Variants in CIMAP2 observed in about 807,000 individuals in gnomAD.
CIMAP2 encodes the protein ciliary microtubule-associated protein 2.
chr1:54,840,767 T>A, the CIMAP2 span, among the ~76,000 whole-genome samples: 3 of 152,264 alleles, frequency 2.0e-5, no homozygotes, highest in Non-Finnish European at 4.4e-5. Context: ...TCCTCTGATG[T>A]CTTCTTTTGG....
At chr1:54,834,749 T>C in the CIMAP2 span, among the ~76,000 whole-genome samples, 2 of 152,240 alleles carry the variant, frequency 1.3e-5, no homozygotes, top group Non-Finnish European at 2.9e-5. Flanking sequence ...TTTTAAATAA[T>C]TTTGTGCATT....
chr1:54,809,518 A>G, the CIMAP2 span, among the ~76,000 whole-genome samples: 2 of 152,200 alleles, frequency 1.3e-5, no homozygotes, highest in African/African-American at 4.8e-5. Flanking sequence ...CAACCCTATG[A>G]AGCAGGCACT....
At chr1:54,841,203 A>C in the CIMAP2 span, among the ~76,000 whole-genome samples, 1 of 152,200 alleles carries the variant, frequency 6.6e-6, no homozygotes, top group Non-Finnish European at 1.5e-5. Flanking sequence ...TCCTGCGTTC[A>C]TGGAGTTCAC....
chr1:54,819,693 G>A, the CIMAP2 span, among the ~76,000 whole-genome samples: 1 of 152,018 alleles, frequency 6.6e-6, no homozygotes, highest in African/African-American at 2.4e-5. Flanking sequence ...GAAGATACCT[G>A]TGTGTCCCAT....
the CIMAP2 span, among the ~76,000 whole-genome samples, chr1:54,835,174 A>T: frequency 6.6e-6 from 1 of 151,796 alleles, no homozygotes; most frequent in Admixed American, 6.6e-5. Flanking sequence ...TAAAATGGAC[A>T]AAGTGATGGT....
At chr1:54,825,444 A>G in the CIMAP2 span, among the ~76,000 whole-genome samples, 1 of 152,020 alleles carries the variant, frequency 6.6e-6, no homozygotes, top group Non-Finnish European at 1.5e-5. Context: ...TAGTTTCTGT[A>G]TGATTTCTTC....
chr1:54,816,925 G>T, the CIMAP2 span: 1 of 1,590,878 alleles, frequency 6.3e-7, no homozygotes, highest in Admixed American at 1.7e-5. Flanking sequence ...GGGGAGGAGA[G>T]GAAGCCGAGA....
At chr1:54,817,737 T>G in the CIMAP2 span, among the ~76,000 whole-genome samples, 92,270 of 150,220 alleles carry the variant, frequency 0.61, 28,727 homozygotes, top group South Asian at 0.75. Flanking sequence ...TTTTTTTTTT[T>G]GAAATTATGG....
At chr1:54,823,475 G>A in the CIMAP2 span, among the ~76,000 whole-genome samples, 1 of 152,064 alleles carries the variant, frequency 6.6e-6, no homozygotes, top group African/African-American at 2.4e-5. Flanking sequence ...CTTATCAGGT[G>A]AAGTGAATTT....
At chr1:54,841,642 T>C in the CIMAP2 span, 1 of 1,614,006 alleles carries the variant, frequency 6.2e-7, no homozygotes, top group Middle Eastern at 1.6e-4. Context: ...TGGAAAGGCC[T>C]AGAAGTCATC....
the CIMAP2 span, chr1:54,841,561 G>A: frequency 6.2e-7 from 1 of 1,612,474 alleles, no homozygotes; most frequent in Non-Finnish European, 8.5e-7. Flanking sequence ...TACAAGCCAA[G>A]TTGGGTGCTT....
the CIMAP2 span, among the ~76,000 whole-genome samples, chr1:54,830,710 C>G: frequency 2.0e-5 from 3 of 152,176 alleles, no homozygotes; most frequent in Non-Finnish European, 4.4e-5. The surrounding 1 kb of genome is among the most constrained non-coding windows in gnomAD (Gnocchi z 4.1). Context: ...ATTATATAGA[C>G]CAATCCCTGT....
the CIMAP2 span, among the ~76,000 whole-genome samples, chr1:54,822,954 T>G: frequency 6.6e-6 from 1 of 152,228 alleles, no homozygotes; most frequent in Non-Finnish European, 1.5e-5. Flanking sequence ...ATGATTTTGA[T>G]TTTTAAAAAT....
chr1:54,811,847 G>C, the CIMAP2 span: 6 of 1,444,504 alleles, frequency 4.2e-6, no homozygotes, highest in Non-Finnish European at 5.6e-6. Context: ...CATACACCAA[G>C]CTGGAGGAGA....
chr1:54,811,765 G>GCCGGGGGGGGGGGGGGGGGCCCCCCCCC, the CIMAP2 span: 3 of 1,301,332 alleles, frequency 2.3e-6, no homozygotes, highest in Non-Finnish European at 3.3e-6. Flanking sequence ...GGTTCTGACA[G>GCCGGGGGGGGGGGGGGGGGCCCCCCCCC]CCTCCATGCC....
the CIMAP2 span, among the ~76,000 whole-genome samples, chr1:54,822,670 A>C: frequency 1.3e-5 from 2 of 151,870 alleles, no homozygotes; most frequent in African/African-American, 4.8e-5. Flanking sequence ...TGCCCAAGTA[A>C]TTTTTTTGTA....
chr1:54,824,780 G>A, the CIMAP2 span, among the ~76,000 whole-genome samples: 86 of 151,710 alleles, frequency 5.7e-4, no homozygotes, highest in African/African-American at 2.0e-3. Flanking sequence ...ATCATCAATT[G>A]TTTTCCTGAC....
the CIMAP2 span, chr1:54,811,765 G>GCCGGCGGGGGGGCCCCCCCCCCCCCC: frequency 7.7e-7 from 1 of 1,301,332 alleles, no homozygotes; most frequent in Non-Finnish European, 1.1e-6. Context: ...GGTTCTGACA[G>GCCGGCGGGGGGGCCCCCCCCCCCCCC]CCTCCATGCC....
chr1:54,819,212 G>A, the CIMAP2 span, among the ~76,000 whole-genome samples: 2 of 152,154 alleles, frequency 1.3e-5, no homozygotes, highest in Admixed American at 6.5e-5. Context: ...TCAGAGGAAG[G>A]AGACTGGGCT....
Sources: allele counts gnomAD v4.1 joint callset (sites outside exome capture counted in the v4.1 genomes callset), GRCh38; gene constraint gnomAD v4.1.1; non-coding constraint Gnocchi (gnomAD v3.1); transcripts MANE v1.5; gene names NCBI Gene and HGNC (gene_info 2026-07-23, HGNC 2026-07-21).